Variants in SRPK3 observed in about 807,000 individuals in gnomAD.
The protein encoded by SRPK3 is SRSF protein kinase 3.
A neutral mutation model predicts 45.3 loss-of-function variants in SRPK3; 26 were observed. That is an observed-to-expected ratio of 0.57 (90% CI 0.42 to 0.80). The LOEUF is 0.80. Ranked by LOEUF, SRPK3 falls within the 30% of genes least tolerant of loss-of-function variation. SRPK3 has a pLI of 0.00. For missense variants in SRPK3, 536 were observed against 514.5 expected (o/e 1.04, Z -0.40); for synonymous variants, 254 against 226.6 (o/e 1.12, Z -1.09).
In SRPK3 at chrX:153,783,833, C is replaced by A. The variant is rs782701885; in HGVS notation, c.856C>A (p.Leu286Met). 3 of 1,198,912 alleles carry A rather than the reference C, an allele frequency of 2.5e-6. No individual in the cohort carries two copies. The highest frequency in any genetic ancestry group is 4.5e-5 in the Admixed American group (2 of 44,442). Residue 286 changes from leucine (L) to methionine (M), a missense_variant, in exon 9 of 15, where the codon CTG becomes ATG. Coordinates refer to ENST00000370101, the MANE Select transcript of SRPK3 (RefSeq NM_014370.4). ...KQQKRLLEER[L>M]RDLQRLEAME... ...GCAGAAGCGGCTGCTGGAGGAGCGGCTGCGGGACCTGCAGAGGCTGGAGGC... is the reference window on the plus strand; with the variant it reads ...GCAGAAGCGGCTGCTGGAGGAGCGGATGCGGGACCTGCAGAGGCTGGAGGC...
Position 153,782,892 on chromosome X carries a change from A to G in SRPK3, c.582+14A>G, listed in dbSNP as rs1308616852. The G allele has an allele frequency of 1.3e-5, 16 of 1,203,203 alleles. No individual in the cohort carries two copies. The highest frequency in any genetic ancestry group is 1.8e-5 in the Non-Finnish European group (16 of 890,537). Reference sequence around the variant, plus strand: ...ATCGTGAGGCAGGTGAGTGCCACCCACTGGGCTGCCCAGCCTGGCCTGGGC... The same window carrying G: ...ATCGTGAGGCAGGTGAGTGCCACCCGCTGGGCTGCCCAGCCTGGCCTGGGC... On this transcript the variant is annotated intron_variant, in intron 6 of 14. Coordinates refer to ENST00000370101, the MANE Select transcript of SRPK3 (RefSeq NM_014370.4).
At position 153,784,310 on chromosome X, in the gene SRPK3, G is replaced by A. The variant is rs138365237; in HGVS notation, c.1164G>A (p.Ser388=). The change falls in exon 11 of 15, where the codon TCG becomes TCA. Residue 388 remains serine (S), a synonymous_variant. Transcript: ENST00000370101. ...LLSPSTPFGA[S]NLLVNPLEPQ... The stretch of plus-strand genomic sequence containing the variant: ...CTTCCCCAGCACCATTCGGTGCCTC[G>A]AACCTCCTGGTGAACCCCCTGGAGC... The A allele has an allele frequency of 8.3e-5, 100 of 1,210,023 alleles. No individual in the cohort carries two copies. The highest frequency in any genetic ancestry group is 3.9e-4 in the Admixed American group (18 of 45,920).
intron 4 of SRPK3, 137 bp downstream of exon 4, chrX:153,781,967 G>C (rs1160256220): frequency 4.4e-6 from 4 of 907,741 alleles, no homozygotes; most frequent in East Asian, 3.1e-5. Context: ...CTGTGCCCAA[G>C]GGGGAGGATC....
chrX:153,783,198 C>T (rs186688595), intron 7 of SRPK3, 28 bp from the exon 8 acceptor site: 19 of 972,930 alleles, frequency 2.0e-5, no homozygotes, highest in South Asian at 6.9e-5. Context: ...CCCTGTCCCC[C>T]CCCACCGCTC....
chrX:153,784,481 C>T (rs2148441437), intron 11 of SRPK3, 87 bp downstream of exon 11: 5 of 1,020,963 alleles, frequency 4.9e-6, no homozygotes, highest in Non-Finnish European at 6.8e-6. Context: ...CTACCCCAGT[C>T]TGCAGTGCAC....
chrX:153,783,766 G>C lies in SRPK3; in HGVS notation c.789G>C (p.Leu263=), dbSNP rs782222052. ...APQEVLQTGK[L]SKNKRKKMRR... ...GGCTCTGACAGCAGACCGGTAAGCT[G>C]TCCAAAAACAAGAGGAAGAAGATGA... Residue 263 remains leucine (L), a synonymous_variant, in exon 9 of 15, where the codon CTG becomes CTC. Coordinates refer to ENST00000370101, the MANE Select transcript of SRPK3 (RefSeq NM_014370.4). The C allele has an allele frequency of 8.3e-7, 1 of 1,210,986 alleles. No individual in the cohort carries two copies. The highest frequency in any genetic ancestry group is 1.7e-5 in the African/African-American group (1 of 57,993).
At chrX:153,781,634 C>G in intron 3 of SRPK3, 21 bp downstream of exon 3, 1 of 1,204,357 alleles carries the variant, frequency 8.3e-7, no homozygotes, top group Non-Finnish European at 1.1e-6. Flanking sequence ...CCTTCGCCTC[C>G]GGGGCCCAGC....
Position 153,783,245 on chromosome X carries a change from G to A in SRPK3, c.768G>A (p.Glu256=). The change falls in exon 8 of 15, where the codon GAG becomes GAA. Residue 256 remains glutamate (E), a synonymous_variant. Coordinates refer to ENST00000370101, the MANE Select transcript of SRPK3 (RefSeq NM_014370.4). ...SRSIVSTAPQ[E]VLQTGKLSKN... is the part of the protein sequence containing the mutation. ...TCCCAGTCAGCACTGCCCCCCAGGAGGTCTTGGTAAGTTGGGGGGCCCCTC... is the reference window on the plus strand; with the variant it reads ...TCCCAGTCAGCACTGCCCCCCAGGAAGTCTTGGTAAGTTGGGGGGCCCCTC... 7 of 1,193,149 alleles carry A rather than the reference G, an allele frequency of 5.9e-6. No individual in the cohort carries two copies. The highest frequency in any genetic ancestry group is 7.9e-6 in the Non-Finnish European group (7 of 885,324).
intron 4 of SRPK3, 54 bp from the exon 5 acceptor site, chrX:153,782,067 T>C (rs782174654): frequency 1.8e-6 from 2 of 1,091,561 alleles, no homozygotes; most frequent in East Asian, 3.0e-5. Flanking sequence ...TGAAGGGAGC[T>C]GTGGGCTTCA....
At chrX:153,781,856 C>A (rs782717449) in intron 4 of SRPK3, 26 bp downstream of exon 4, 2 of 1,204,889 alleles carry the variant, frequency 1.7e-6, no homozygotes, top group Middle Eastern at 4.6e-4. Flanking sequence ...ACCCCACTCC[C>A]AGCTCCCCTG....
rs782298516 is a variant in SRPK3 at position 153,781,154 on chromosome X, C to T, written c.59+9C>T. On this transcript the variant is annotated intron_variant, in intron 1 of 14. Coordinates refer to ENST00000370101, the MANE Select transcript of SRPK3 (RefSeq NM_014370.4). ...GGCGGCAGTAGCAGCAGGTAGGGCT[C>T]GGCTGGGGCACCCGGAGCCCCTGGC... is the stretch of plus-strand genomic sequence containing the variant. 67 of 1,166,543 alleles carry T rather than the reference C, an allele frequency of 5.7e-5. No individual in the cohort carries two copies. Among genetic ancestry groups the T allele is most frequent in the Non-Finnish European group, 6.9e-5 (60 of 874,650 alleles).
At chrX:153,784,701 C>A in intron 11 of SRPK3, 49 bp from the exon 12 acceptor site, 1 of 1,178,021 alleles carries the variant, frequency 8.5e-7, no homozygotes, top group Admixed American at 2.2e-5. Context: ...TCCGTGGGGG[C>A]AGGACAGCCT....
At chrX:153,781,654 G>C in intron 3 of SRPK3, 41 bp downstream of exon 3, 1 of 1,202,748 alleles carries the variant, frequency 8.3e-7, no homozygotes, top group African/African-American at 1.7e-5. Context: ...CACTGGCTGG[G>C]ATCCTGTCCC....
At chrX:153,783,187 TC>T in intron 7 of SRPK3, 38 bp from the exon 8 acceptor site, 1 of 969,277 alleles carries the variant, frequency 1.0e-6, no homozygotes, top group South Asian at 2.2e-5. Context: ...TCTCTGTTCC[TC>T]CCTGTCCCCC....
rs2092069120 is a variant in SRPK3 at position 153,784,055 on chromosome X, C to T, written c.989C>T (p.Ser330Phe). 1 of 1,208,772 alleles carries T rather than the reference C, an allele frequency of 8.3e-7. No individual in the cohort carries two copies. Among genetic ancestry groups the T allele is most frequent in the Admixed American group, 2.2e-5 (1 of 45,850 alleles). Residue 330 changes from serine to phenylalanine, a missense_variant, in exon 10 of 15, where the codon TCC (serine) becomes TTC (phenylalanine). Ser to Phe is a radical substitution (Grantham distance 155, BLOSUM62 -2). Transcript: ENST00000370101. Reference sequence around the variant, plus strand: ...CCCGGGGGCGCCAGAGCAGGTCCCTCCCCAGCCTCTTCCTCCCCCGCCCCA... The same window carrying T: ...CCCGGGGGCGCCAGAGCAGGTCCCTTCCCAGCCTCTTCCTCCCCCGCCCCA... ...CHPGGARAGP[S>F]PASSSPAPGG...
In SRPK3 at chrX:153,782,134, A is replaced by G. The variant is rs1216260104; in HGVS notation, c.401A>G (p.Asp134Gly). 8.3e-7 allele frequency: 1 copy of G among 1,209,165 alleles called. No individual in the cohort carries two copies. Among genetic ancestry groups the G allele is most frequent in the African/African-American group, 1.8e-5 (1 of 57,142 alleles). ...CTTTTGCTCCAGGTCCGGGACAGCG[A>G]CCCCAGTGACCCCAAAAGAGAGACC... ...IKLLKCVRDS[D>G]PSDPKRETIV... The change falls in exon 5 of 15, where the codon GAC (aspartate) becomes GGC (glycine). Residue 134 changes from aspartate to glycine, a missense_variant. Physicochemically the swap from Asp to Gly is moderately conservative, Grantham distance 94. Transcript: ENST00000370101.
intron 11 of SRPK3, 141 bp from the exon 12 acceptor site, chrX:153,784,609 C>T (rs782067678): frequency 3.8e-6 from 3 of 782,789 alleles, no homozygotes; most frequent in East Asian, 3.4e-5. Context: ...GGGCCTGTCC[C>T]TCTTGGAGGA....
chrX:153,784,554 G>A (rs1287063059), intron 11 of SRPK3, 160 bp downstream of exon 11: 1 of 711,733 alleles, frequency 1.4e-6, no homozygotes, highest in Non-Finnish European at 2.1e-6. Flanking sequence ...CCATGGCCAA[G>A]GGCAGGGGCC....
rs1228823335 is a variant in SRPK3 at position 153,783,146 on chromosome X, C to T, written c.748+28C>T. ...ACCAAGGGCCCACATGGGGCTGGGTCGGGGCCTCTGGGCCTGAACCCCTGC... is the reference window on the plus strand; with the variant it reads ...ACCAAGGGCCCACATGGGGCTGGGTTGGGGCCTCTGGGCCTGAACCCCTGC... On this transcript the variant is annotated intron_variant, in intron 7 of 14. Coordinates refer to ENST00000370101, the MANE Select transcript of SRPK3 (RefSeq NM_014370.4). 28 of 1,182,432 alleles carry T rather than the reference C, an allele frequency of 2.4e-5. No homozygotes were observed. In the East Asian group the frequency reaches 8.1e-4, roughly 34 times the overall value.
Sources: gnomAD v4.1 joint callset for allele counts on GRCh38, gnomAD v4.1.1 for gene constraint, MANE v1.5 for transcripts, NCBI Gene and HGNC (gene_info 2026-07-23, HGNC 2026-07-21) for gene names.